The following TAOK1 variants were observed in gnomAD, a reference collection of about 807,000 sequenced individuals.
TAOK1 encodes the protein serine/threonine-protein kinase TAO1.
Under a neutral mutation model 138.3 loss-of-function variants are expected in TAOK1, and 21 were observed. That is an observed-to-expected ratio of 0.15 (90% CI 0.11 to 0.22). TAOK1 has a LOEUF of 0.22. TAOK1 is among the 10% of genes least tolerant of loss of function. The pLI is 1.00. For missense variants in TAOK1, 651 were observed against 1,227.7 expected, an observed-to-expected ratio of 0.53 and a Z score of 7.02; for synonymous variants, 361 against 398.4, an observed-to-expected ratio of 0.91 and a Z score of 1.12.
intron 3 of TAOK1, among the ~76,000 whole-genome samples, chr17:29,468,241 A>G (rs2030728578): frequency 6.9e-6 from 1 of 145,920 alleles, no homozygotes; most frequent in South Asian, 2.2e-4. Flanking sequence ...GGTTTTAGCA[A>G]TTCTCCTGCT....
chr17:29,471,276 C>CTTTT (rs759764241), intron 3 of TAOK1, among the ~76,000 whole-genome samples: 326 of 81,808 alleles, frequency 4.0e-3, no homozygotes, highest in Middle Eastern at 0.011. Context: ...TATTTTCTTT[C>CTTTT]TTTTTTTTTT....
At chr17:29,447,781 C>T (rs532761267) in intron 1 of TAOK1, among the ~76,000 whole-genome samples, 20 of 151,398 alleles carry the variant, frequency 1.3e-4, no homozygotes, top group Admixed American at 6.6e-4. Flanking sequence ...CTCAGCTTCC[C>T]GAGTAGCTGG....
intron 2 of TAOK1, among the ~76,000 whole-genome samples, chr17:29,456,721 T>C (rs1467483910): frequency 2.0e-5 from 3 of 150,486 alleles, no homozygotes; most frequent in Non-Finnish European, 1.5e-5. Flanking sequence ...CTCATATAGT[T>C]CTATTTCTTT....
intron 3 of TAOK1, among the ~76,000 whole-genome samples, chr17:29,473,734 C>CT (rs201288500): frequency 4.9e-4 from 73 of 148,010 alleles, no homozygotes; most frequent in Middle Eastern, 3.5e-3. Flanking sequence ...CTTTCTTTTT[C>CT]TTTTTTTTTT....
Position 29,494,371 on chromosome 17 carries a change from T to TA in TAOK1, c.832-1189_832-1188insA, listed in dbSNP as rs1200080951. On this transcript the variant is annotated intron_variant, in intron 10 of 19. Transcript: ENST00000261716. The stretch of plus-strand genomic sequence containing the variant: ...CCAAAAAATAAAAATTAGCTGGACA[T>TA]GGTGGTGCACACCTGTAGTCCTAGC... Among the ~76,000 whole-genome samples, 3 of 151,890 alleles carry TA rather than the reference T, an allele frequency of 2.0e-5. No homozygotes were observed. The East Asian group carries it at 5.9e-4, about 30-fold the overall frequency.
At chr17:29,484,271 G>A (rs1416263442) in intron 8 of TAOK1, among the ~76,000 whole-genome samples, 1 of 152,084 alleles carries the variant, frequency 6.6e-6, no homozygotes, top group Non-Finnish European at 1.5e-5. Flanking sequence ...TAGAATTTTA[G>A]GCATTCATTT....
intron 1 of TAOK1, among the ~76,000 whole-genome samples, chr17:29,427,068 C>T (rs537681435): frequency 9.2e-5 from 14 of 152,128 alleles, no homozygotes; most frequent in African/African-American, 3.4e-4. Context: ...GAAATAGATT[C>T]GGAAGGGTGG....
chr17:29,497,904 T>C (rs2031444714), intron 11 of TAOK1, among the ~76,000 whole-genome samples: 1 of 151,860 alleles, frequency 6.6e-6, no homozygotes, highest in Non-Finnish European at 1.5e-5. Context: ...GTGCCCAGAA[T>C]AGCCAGTGCT....
At chr17:29,417,405 AG>A (rs1422389633) in intron 1 of TAOK1, among the ~76,000 whole-genome samples, 1 of 152,176 alleles carries the variant, frequency 6.6e-6, no homozygotes, top group Non-Finnish European at 1.5e-5. Context: ...TATTAGATGT[AG>A]GTTTTGCAGA....
chr17:29,432,087 G>C (rs1180243423), intron 1 of TAOK1, among the ~76,000 whole-genome samples: 1 of 152,202 alleles, frequency 6.6e-6, no homozygotes, highest in Non-Finnish European at 1.5e-5. Flanking sequence ...CACACACACA[G>C]AAATATAAAG....
In TAOK1 at chr17:29,433,853, C is replaced by T. The variant is rs534095764; in HGVS notation, c.-94-17602C>T. ...TCTAGCAATTGTTAGATTAAGGACA[C>T]GGACGAAGACCGATCTTAACTGCTT... is the stretch of plus-strand genomic sequence containing the variant. On this transcript the variant is annotated intron_variant, in intron 1 of 19. Transcript: ENST00000261716. Among the ~76,000 whole-genome samples, 13 of 152,180 alleles carry T rather than the reference C, an allele frequency of 8.5e-5. No homozygotes were observed. The South Asian group carries it at 2.1e-3, about 24-fold the overall frequency.
chr17:29,475,723 C>G lies in TAOK1; in HGVS notation c.258C>G (p.Pro86=). 6.2e-7 allele frequency: 1 copy of G among 1,613,050 alleles called. No individual in the cohort carries two copies. The highest frequency in any genetic ancestry group is 8.5e-7 in the Non-Finnish European group (1 of 1,179,656). ...AGTTTCTACAAAGAATAAAACATCC[C>G]AACAGTATAGAATACAAAGGCTGTT... is the stretch of plus-strand genomic sequence containing the variant. The part of the protein sequence containing the change: ...EVKFLQRIKH[P]NSIEYKGCYL... The change falls in exon 4 of 20, where the codon CCC becomes CCG. Residue 86 remains proline, a synonymous_variant. Transcript: ENST00000261716.
chr17:29,469,391 C>T (rs1455653979), intron 3 of TAOK1, among the ~76,000 whole-genome samples: 2 of 152,086 alleles, frequency 1.3e-5, no homozygotes, highest in Admixed American at 6.6e-5. Context: ...TAAGTGCATT[C>T]ACGTTGTGCA....
At chr17:29,496,809 CT>C (rs1258943013) in intron 11 of TAOK1, among the ~76,000 whole-genome samples, 2 of 151,926 alleles carry the variant, frequency 1.3e-5, no homozygotes, top group Non-Finnish European at 2.9e-5. Flanking sequence ...TGTTCTCCAT[CT>C]CCTGGCCTCA....
intron 19 of TAOK1, among the ~76,000 whole-genome samples, chr17:29,541,265 G>A (rs188123887): frequency 1.0e-4 from 15 of 150,550 alleles, no homozygotes; most frequent in Non-Finnish European, 1.0e-4. Context: ...GTGTGCCACC[G>A]CGCCTGGCTA....
At position 29,543,545 on chromosome 17, in the gene TAOK1, A is replaced by AT. The variant is rs1415038246; in HGVS notation, c.*526dup. ...CACACCTGCATTGCCTCACCAGTGT[A>AT]TTTATTTGTTATTAAATTGATCTGA... is the stretch of plus-strand genomic sequence containing the variant. On this transcript the variant is annotated 3_prime_UTR_variant, in exon 20 of 20. Transcript: ENST00000261716. The AT allele has an allele frequency of 6.6e-6, 1 of 152,638 alleles. No homozygotes were observed. Among genetic ancestry groups the AT allele is most frequent in the Non-Finnish European group, 1.5e-5 (1 of 68,046 alleles). The allele number at this position is 152,638 out of a possible 1,614,324, so 9.5% of individuals were successfully genotyped here. A position where few individuals can be genotyped will look rare whatever the true frequency, so the allele number is the denominator to read the frequency against.
intron 1 of TAOK1, among the ~76,000 whole-genome samples, chr17:29,391,378 T>C (rs543789745): frequency 6.6e-6 from 1 of 152,220 alleles, no homozygotes; most frequent in East Asian, 1.9e-4. Context: ...TCCTTTGTAG[T>C]GTCTGTGTAT....
chr17:29,394,150 GTTTTTTTTTTTTTTT>G (rs58117433), intron 1 of TAOK1, among the ~76,000 whole-genome samples: 18 of 48,286 alleles, frequency 3.7e-4, no homozygotes, highest in East Asian at 1.4e-3. Flanking sequence ...TAATTTGCCA[GTTTTTTTTTTTTTTT>G]TTTTTTTTTT....
intron 1 of TAOK1, among the ~76,000 whole-genome samples, chr17:29,442,394 T>C (rs1236892064): frequency 6.6e-6 from 1 of 151,428 alleles, no homozygotes; most frequent in Admixed American, 6.6e-5. Context: ...TTTCTGTTTT[T>C]TTTTTTTTTA....
Sources: allele counts gnomAD v4.1 joint callset (sites outside exome capture counted in the v4.1 genomes callset), GRCh38; gene constraint gnomAD v4.1.1; transcripts MANE v1.5; gene names NCBI Gene and HGNC (gene_info 2026-07-23, HGNC 2026-07-21).